Variants in ATG7 observed in about 807,000 individuals in gnomAD.
ATG7 encodes the protein autophagy related 7, also known as ubiquitin-like modifier-activating enzyme ATG7.
A neutral mutation model predicts 82.4 loss-of-function variants in ATG7; 70 were observed. The ratio of observed to expected loss-of-function variants is 0.85; its 90% CI spans 0.70 to 1.04. ATG7 has a LOEUF of 1.04. ATG7 is among the 50% of genes least tolerant of loss of function. The pLI, the probability that ATG7 is intolerant of heterozygous loss-of-function variation, is 0.00. For synonymous variants in ATG7, 287 were observed against 313.0 expected (o/e 0.92, Z 0.88); for missense variants, 792 against 864.3 (o/e 0.92, Z 1.05).
At chr3:11,294,047 AAG>A (rs1428620139) in intron 3 of ATG7, among the ~76,000 whole-genome samples, 4 of 151,542 alleles carry the variant, frequency 2.6e-5, no homozygotes, top group African/African-American at 9.7e-5. Flanking sequence ...AAAAGAAAGA[AAG>A]AAAATGAATG....
downstream of ATG7, among the ~76,000 whole-genome samples, chr3:11,560,448 G>T (rs1308121522): frequency 6.6e-6 from 1 of 152,208 alleles, no homozygotes; most frequent in African/African-American, 2.4e-5. Flanking sequence ...GGTGACAGCA[G>T]TGTCAGCCAG....
downstream of ATG7, chr3:11,559,513 C>G: frequency 6.7e-7 from 1 of 1,484,104 alleles, no homozygotes. Context: ...GGCACCACCC[C>G]TGGGGCCCTC....
At chr3:11,541,885 A>C (rs2070863129) in intron 20 of ATG7, among the ~76,000 whole-genome samples, 1 of 152,256 alleles carries the variant, frequency 6.6e-6, no homozygotes, top group Admixed American at 6.5e-5. Context: ...CATTTATCTC[A>C]ATAACCATTT....
At chr3:11,389,455 T>C (rs947193672) in intron 19 of ATG7, among the ~76,000 whole-genome samples, 4 of 148,118 alleles carry the variant, frequency 2.7e-5, no homozygotes, top group African/African-American at 1.0e-4. Context: ...TTTTTTTTTT[T>C]TAACACAGAA....
intron 1 of ATG7, among the ~76,000 whole-genome samples, chr3:11,279,487 C>T (rs896224733): frequency 2.0e-5 from 3 of 152,152 alleles, no homozygotes; most frequent in African/African-American, 7.2e-5. Flanking sequence ...AGTTCGAGAC[C>T]AACCTGACCA....
intron 19 of ATG7, among the ~76,000 whole-genome samples, chr3:11,391,967 G>GT (rs200432443): frequency 0.016 from 2,062 of 130,814 alleles, 54 homozygotes; most frequent in African/African-American, 0.063. Flanking sequence ...TTGGGGGGGG[G>GT]GTAATTTCAC....
intron 20 of ATG7, among the ~76,000 whole-genome samples, chr3:11,496,890 C>T (rs1431313582): frequency 7.2e-5 from 11 of 152,022 alleles, no homozygotes; most frequent in African/African-American, 2.4e-4. Flanking sequence ...GATGGAGTCT[C>T]GCTCTGTCAC....
intron 10 of ATG7, among the ~76,000 whole-genome samples, chr3:11,331,839 C>A (rs1278428659): frequency 1.3e-5 from 2 of 152,246 alleles, no homozygotes; most frequent in East Asian, 3.9e-4. Context: ...AAAAGATGCC[C>A]AACATCATGT....
chr3:11,389,414 T>G (rs892692582), intron 19 of ATG7, among the ~76,000 whole-genome samples: 7 of 150,222 alleles, frequency 4.7e-5, no homozygotes, highest in African/African-American at 1.7e-4. Context: ...TATAATTCTT[T>G]CATTATGAAA....
intron 20 of ATG7, among the ~76,000 whole-genome samples, chr3:11,443,135 G>T (rs1446356291): frequency 6.6e-6 from 1 of 152,096 alleles, no homozygotes; most frequent in East Asian, 1.9e-4. Flanking sequence ...TCCAGGTGTC[G>T]CCATGCACTC....
At chr3:11,366,218 C>CA (rs1296231136) in intron 18 of ATG7, among the ~76,000 whole-genome samples, 7,133 of 60,232 alleles carry the variant, frequency 0.12, 339 homozygotes, top group Middle Eastern at 0.19. Flanking sequence ...GACTCCATCT[C>CA]AAAAAAAAAA....
intron 20 of ATG7, among the ~76,000 whole-genome samples, chr3:11,519,678 G>A (rs1292911688): frequency 6.8e-6 from 1 of 147,260 alleles, no homozygotes; most frequent in East Asian, 2.1e-4. Flanking sequence ...TCCTGCCTCA[G>A]CCTCCCGAGT....
At chr3:11,485,754 A>C (rs2089552273) in intron 20 of ATG7, among the ~76,000 whole-genome samples, 1 of 152,174 alleles carries the variant, frequency 6.6e-6, no homozygotes, top group Non-Finnish European at 1.5e-5. Context: ...TCAGCTTTCT[A>C]CGTATGGCTA....
At chr3:11,539,067 TACCACA>T (rs2070602838) in intron 20 of ATG7, among the ~76,000 whole-genome samples, 1 of 149,328 alleles carries the variant, frequency 6.7e-6, no homozygotes, top group Non-Finnish European at 1.5e-5. Flanking sequence ...TCCAAGAACT[TACCACA>T]AAATGTTAAT....
At chr3:11,415,716 C>A (rs747591745) in intron 19 of ATG7, among the ~76,000 whole-genome samples, 5 of 151,554 alleles carry the variant, frequency 3.3e-5, no homozygotes, top group African/African-American at 4.9e-5. Flanking sequence ...ATAGAGCTGT[C>A]ATCTCTTATG....
intron 20 of ATG7, among the ~76,000 whole-genome samples, chr3:11,549,699 A>C (rs545811769): frequency 6.6e-6 from 1 of 152,328 alleles, no homozygotes; most frequent in East Asian, 1.9e-4. Flanking sequence ...TGCTGCGGAC[A>C]TTCTGGCTCA....
intron 19 of ATG7, among the ~76,000 whole-genome samples, chr3:11,398,585 G>A (rs765666326): frequency 6.6e-6 from 1 of 152,212 alleles, no homozygotes; most frequent in Non-Finnish European, 1.5e-5. Context: ...TAAAAATGTG[G>A]CTCATGCCTG....
chr3:11,312,966 G>A (rs1429167678), intron 7 of ATG7, among the ~76,000 whole-genome samples: 2 of 152,104 alleles, frequency 1.3e-5, no homozygotes, highest in Non-Finnish European at 2.9e-5. Flanking sequence ...TATAAAATGG[G>A]ATAATAGTAA....
intron 3 of ATG7, among the ~76,000 whole-genome samples, chr3:11,297,714 G>A (rs536074303): frequency 5.3e-5 from 8 of 152,294 alleles, no homozygotes; most frequent in East Asian, 3.9e-4. Context: ...ACTGTGGGAG[G>A]TGGGGAGAAG....
Sources: allele counts gnomAD v4.1 joint callset (sites outside exome capture counted in the v4.1 genomes callset), GRCh38; gene constraint gnomAD v4.1.1; transcripts MANE v1.5; gene names NCBI Gene and HGNC (gene_info 2026-07-23, HGNC 2026-07-21).